Variants in SAMD5 observed in about 807,000 individuals in gnomAD.
The protein encoded by SAMD5 is sterile alpha motif domain-containing protein 5.
A neutral mutation model predicts 11.3 loss-of-function variants in SAMD5; 13 were observed. The ratio of observed to expected loss-of-function variants is 1.15; its 90% CI spans 0.75 to 1.83. The LOEUF is 1.83. SAMD5 is among the 40% of genes most tolerant of loss of function. The pLI is 0.00. For missense variants in SAMD5, 255 were observed against 239.1 expected, an observed-to-expected ratio of 1.07 and a Z score of -0.44; for synonymous variants, 129 against 111.3, an observed-to-expected ratio of 1.16 and a Z score of -1.00.
chr6:147,886,341 A>G, the SAMD5 span, among the ~76,000 whole-genome samples: 1 of 152,218 alleles, frequency 6.6e-6, no homozygotes, highest in African/African-American at 2.4e-5. Flanking sequence ...AACCACACTC[A>G]GAATACAAAG....
At chr6:147,603,792 A>C (rs1356074665) in intron 1 of SAMD5, among the ~76,000 whole-genome samples, 2 of 152,104 alleles carry the variant, frequency 1.3e-5, no homozygotes, top group Non-Finnish European at 2.9e-5. Flanking sequence ...ACAAAACAAA[A>C]AAAAACAACA....
At chr6:147,932,394 G>A in the SAMD5 span, among the ~76,000 whole-genome samples, 1 of 152,072 alleles carries the variant, frequency 6.6e-6, no homozygotes, top group African/African-American at 2.4e-5. Flanking sequence ...CGGACTTAAT[G>A]TACTCAGATA....
chr6:147,583,251 C>A (rs577353819), intron 1 of SAMD5, among the ~76,000 whole-genome samples: 16 of 152,102 alleles, frequency 1.1e-4, no homozygotes, highest in Non-Finnish European at 2.1e-4. Context: ...AGCTAGATAT[C>A]GAAAGAAATG....
the SAMD5 span, among the ~76,000 whole-genome samples, chr6:147,807,541 T>G: frequency 6.6e-6 from 1 of 152,158 alleles, no homozygotes; most frequent in Admixed American, 6.5e-5. Flanking sequence ...ATTTAGTTAT[T>G]AAGTACTCCA....
intron 1 of SAMD5, among the ~76,000 whole-genome samples, chr6:147,644,217 A>G (rs1315368165): frequency 6.6e-6 from 1 of 152,192 alleles, no homozygotes; most frequent in Non-Finnish European, 1.5e-5. Flanking sequence ...AAAAAACAAA[A>G]CAAACAAAAC....
intron 1 of SAMD5, among the ~76,000 whole-genome samples, chr6:147,710,342 G>A (rs1791380060): frequency 6.6e-6 from 1 of 152,148 alleles, no homozygotes; most frequent in African/African-American, 2.4e-5. Context: ...AGTTGCCTAT[G>A]GTTAACTGTG....
At chr6:147,730,533 G>A (rs540156114) in intron 1 of SAMD5, among the ~76,000 whole-genome samples, 1 of 152,298 alleles carries the variant, frequency 6.6e-6, no homozygotes, top group South Asian at 2.1e-4. Flanking sequence ...CAGGTTTGGG[G>A]AAGATTATCA....
intron 1 of SAMD5, among the ~76,000 whole-genome samples, chr6:147,679,235 A>G (rs1005864060): frequency 6.6e-6 from 1 of 152,088 alleles, no homozygotes; most frequent in East Asian, 1.9e-4. Context: ...CTTCTGGACT[A>G]TTTTCCAAAG....
At chr6:147,909,560 TTTTCTTTCTTTCTTTC>T in the SAMD5 span, among the ~76,000 whole-genome samples, 548 of 78,884 alleles carry the variant, frequency 6.9e-3, 10 homozygotes, top group Admixed American at 0.036. Context: ...CATCCATCTT[TTTTCTTTCTTTCTTTC>T]TTTCTTTCTT....
intron 1 of SAMD5, among the ~76,000 whole-genome samples, chr6:147,651,738 C>T (rs746857496): frequency 6.6e-6 from 1 of 152,188 alleles, no homozygotes; most frequent in African/African-American, 2.4e-5. Context: ...GTGGCCCAAA[C>T]AGATGAAGAC....
chr6:147,775,023 C>A, the SAMD5 span, among the ~76,000 whole-genome samples: 2 of 152,196 alleles, frequency 1.3e-5, no homozygotes, highest in East Asian at 1.9e-4. Flanking sequence ...GAGGGGGCGA[C>A]CTCCTGGCCT....
At chr6:147,636,277 C>T (rs1031097015) in intron 1 of SAMD5, among the ~76,000 whole-genome samples, 19 of 152,038 alleles carry the variant, frequency 1.2e-4, no homozygotes, top group Non-Finnish European at 1.6e-4. Context: ...TATGAACATG[C>T]GAGGTAATTC....
At chr6:147,605,699 C>A (rs1054945768) in intron 1 of SAMD5, among the ~76,000 whole-genome samples, 1 of 152,036 alleles carries the variant, frequency 6.6e-6, no homozygotes, top group Admixed American at 6.6e-5. Context: ...CCACAGAATT[C>A]ACATTAATTT....
chr6:147,536,560 T>G (rs145793194), intron 1 of SAMD5, among the ~76,000 whole-genome samples: 2,002 of 152,240 alleles, frequency 0.013, 26 homozygotes, highest in Non-Finnish European at 0.021. Flanking sequence ...TAGCACAATT[T>G]TTAAAGTTAT....
At chr6:147,901,436 A>C in the SAMD5 span, among the ~76,000 whole-genome samples, 57 of 102,526 alleles carry the variant, frequency 5.6e-4, no homozygotes, top group African/African-American at 3.2e-3. Context: ...TTACATAAGA[A>C]CTAATCTTCT....
chr6:147,844,175 G>T, the SAMD5 span, among the ~76,000 whole-genome samples: 1 of 152,000 alleles, frequency 6.6e-6, no homozygotes, highest in African/African-American at 2.4e-5. Context: ...ATTACTAATT[G>T]GGCAAAAGAC....
At chr6:147,562,476 T>C (rs2128444294) in intron 1 of SAMD5, among the ~76,000 whole-genome samples, 1 of 152,324 alleles carries the variant, frequency 6.6e-6, no homozygotes, top group South Asian at 2.1e-4. Flanking sequence ...GTATAGTAAA[T>C]GCAATTTTTG....
At chr6:147,763,262 C>T in the SAMD5 span, among the ~76,000 whole-genome samples, 2 of 152,034 alleles carry the variant, frequency 1.3e-5, no homozygotes, top group East Asian at 1.9e-4. Context: ...CGGGTTCAAG[C>T]GATTCTTCTG....
chr6:147,517,562 C>A (rs1333714), intron 1 of SAMD5, among the ~76,000 whole-genome samples: 71,469 of 151,770 alleles, frequency 0.47, 19,557 homozygotes, highest in African/African-American at 0.77. Context: ...AATAACAAAA[C>A]TGATTTTTTT....
Sources: gnomAD v4.1 joint callset for allele counts (sites outside exome capture counted in the v4.1 genomes callset) on GRCh38, gnomAD v4.1.1 for gene constraint, MANE v1.5 for transcripts, NCBI Gene and HGNC (gene_info 2026-07-23, HGNC 2026-07-21) for gene names.